CD109: variants seen among roughly 807,000 people sequenced by gnomAD.
CD109 encodes the protein CD109 molecule.
In CD109, 149 loss-of-function variants were observed where a neutral mutation model predicts 165.8. The ratio of observed to expected loss-of-function variants is 0.90; its 90% CI spans 0.79 to 1.03. The LOEUF is 1.03. CD109 is among the 50% of genes least tolerant of loss of function. The pLI is 0.00. For missense variants in CD109, 1,712 were observed against 1,677.8 expected (o/e 1.02, Z -0.36); for synonymous variants, 585 against 592.1 (o/e 0.99, Z 0.18).
intron 23 of CD109, among the ~76,000 whole-genome samples, chr6:73,796,063 C>T (rs1775152340): frequency 6.6e-6 from 1 of 152,144 alleles, no homozygotes; most frequent in African/African-American, 2.4e-5. Context: ...GTATGAAATT[C>T]TTCTATTTCT....
rs1302323237 is a variant in CD109 at position 73,789,262 on chromosome 6, A to G, written c.2701+650A>G. 2.6e-5 allele frequency among the ~76,000 whole-genome samples: 4 copies of G among 152,324 alleles called. No individual in the cohort carries two copies. In the East Asian group the frequency reaches 7.7e-4, roughly 29 times the overall value. On this transcript the variant is annotated intron_variant, in intron 22 of 32. Coordinates refer to ENST00000287097, the MANE Select transcript of CD109 (RefSeq NM_133493.5). Reference sequence around the variant, plus strand: ...CTCACTGACTTCGGTCGCCTCTCCTAGTTACTTTCCATAACATAATAGTAC... The same window carrying G: ...CTCACTGACTTCGGTCGCCTCTCCTGGTTACTTTCCATAACATAATAGTAC...
At chr6:73,786,767 TA>T (rs1158506138) in intron 20 of CD109, among the ~76,000 whole-genome samples, 4 of 152,232 alleles carry the variant, frequency 2.6e-5, no homozygotes, top group Non-Finnish European at 4.4e-5. Context: ...GCTTCAGGAC[TA>T]ATATCTGAGT....
Position 73,730,369 on chromosome 6 carries a change from T to C in CD109, c.302T>C (p.Ile101Thr). The change falls in exon 4 of 33, where the codon ATT becomes ACT. Residue 101 changes from isoleucine to threonine, a missense_variant. Transcript: ENST00000287097. ...CTACCTCTGAACAGTGCAGATGAGA[T>C]TTATGAGCTACGTGTAACCGGACGT... Reference protein sequence around the residue: ...PSLPLNSADEIYELRVTGRTQ... With the variant: ...PSLPLNSADETYELRVTGRTQ... 6.2e-7 allele frequency: 1 copy of C among 1,613,544 alleles called. No homozygotes were observed. Among genetic ancestry groups the C allele is most frequent in the Non-Finnish European group, 8.5e-7 (1 of 1,179,466 alleles).
At chr6:73,685,754 C>T in the CD109 span, among the ~76,000 whole-genome samples, 552 of 152,322 alleles carry the variant, frequency 3.6e-3, 1 homozygote, top group Non-Finnish European at 6.8e-3. Context: ...TATCCCTTTG[C>T]ATCCTCATAG....
chr6:73,731,830 T>C (rs1186256854), intron 4 of CD109, among the ~76,000 whole-genome samples: 1 of 152,232 alleles, frequency 6.6e-6, no homozygotes, highest in Admixed American at 6.5e-5. Context: ...GTGAGATAAT[T>C]CAAGTAAACC....
rs1776211829 is a variant in CD109, at chr6:73,824,440, A to G, written c.*807A>G. ...CAGAGAGCACTGCAATATGTGCTTCATGGGATTTCGATTCGAAGATCCTAG... is the reference window on the plus strand; with the variant it reads ...CAGAGAGCACTGCAATATGTGCTTCGTGGGATTTCGATTCGAAGATCCTAG... On this transcript the variant is annotated 3_prime_UTR_variant, in exon 33 of 33. Transcript: ENST00000287097. The G allele has an allele frequency of 6.6e-6, 1 of 152,220 alleles. No homozygotes were observed. Among genetic ancestry groups the G allele is most frequent in the African/African-American group, 2.4e-5 (1 of 41,432 alleles). 9.4% of individuals were successfully genotyped at this position (152,220 alleles called of 1,614,324 possible).
intron 15 of CD109, among the ~76,000 whole-genome samples, chr6:73,779,275 G>C (rs981275770): frequency 1.6e-4 from 23 of 147,002 alleles, no homozygotes; most frequent in South Asian, 6.3e-4. Context: ...TTGAGACGGA[G>C]TCTTGCTCTG....
At chr6:73,820,421 C>T in intron 31 of CD109, 40 bp from the exon 32 acceptor site, 1 of 1,104,618 alleles carries the variant, frequency 9.1e-7, no homozygotes, top group Non-Finnish European at 1.4e-6. Context: ...CATGAACACA[C>T]AGTGTGCCAA....
chr6:73,737,025 C>T (rs1423594850), intron 5 of CD109, among the ~76,000 whole-genome samples: 1 of 152,074 alleles, frequency 6.6e-6, no homozygotes, highest in Non-Finnish European at 1.5e-5. Context: ...AAATGGAGGG[C>T]ATTAAATGGC....
rs536163101 is a variant in CD109, at chr6:73,739,476, C to G, written c.633+2968C>G. 1.8e-3 allele frequency among the ~76,000 whole-genome samples: 280 copies of G among 152,148 alleles called. 1 individual carries two copies. Among genetic ancestry groups the G allele is most frequent in the African/African-American group, 6.4e-3 (267 of 41,500 alleles). On this transcript the variant is annotated intron_variant, in intron 5 of 32. Transcript: ENST00000287097. ...TGTATTTATTATTTAAATAGCCCAC[C>G]ATTAGAGACTATATTTTTACTTTTC... is the stretch of plus-strand genomic sequence containing the variant.
the CD109 span, among the ~76,000 whole-genome samples, chr6:73,687,196 C>T: frequency 6.6e-6 from 1 of 152,112 alleles, no homozygotes; most frequent in African/African-American, 2.4e-5. Flanking sequence ...TCCCTCATAT[C>T]TACTATTTGG....
In CD109 at chr6:73,785,483, G is replaced by A; in HGVS notation, c.2337+6G>A. 6.9e-7 allele frequency: 1 copy of A among 1,452,850 alleles called. No individual in the cohort carries two copies. Among genetic ancestry groups the A allele is most frequent in the South Asian group, 1.2e-5 (1 of 84,504 alleles). The allele number at this position is 1,452,850 out of a possible 1,614,324, so 90.0% of individuals were successfully genotyped here. A position where few individuals can be genotyped will look rare whatever the true frequency, so the allele number is the denominator to read the frequency against. ...ATTTGAAAGATGCCACTGAGGTAATGTATTCAAGCTTTTGTTGATCATTTA... is the reference window on the plus strand; with the variant it reads ...ATTTGAAAGATGCCACTGAGGTAATATATTCAAGCTTTTGTTGATCATTTA... On this transcript the variant is annotated splice_donor_region_variant and intron_variant, in intron 20 of 32. Coordinates refer to ENST00000287097, the MANE Select transcript of CD109 (RefSeq NM_133493.5).
chr6:73,787,002 A>G (rs183486928), intron 20 of CD109, among the ~76,000 whole-genome samples: 1,826 of 151,024 alleles, frequency 0.012, 25 homozygotes, highest in Non-Finnish European at 0.017. Context: ...AGGACTAGAA[A>G]TGGGGCTGAA....
At chr6:73,754,790 G>A (rs1349561067) in intron 5 of CD109, among the ~76,000 whole-genome samples, 2 of 152,176 alleles carry the variant, frequency 1.3e-5, no homozygotes, top group African/African-American at 4.8e-5. Context: ...AATGGGGAGG[G>A]ATGGAAGTAC....
intron 6 of CD109, 71 bp downstream of exon 6, chr6:73,756,753 TAAGAGA>T: frequency 9.4e-7 from 1 of 1,059,924 alleles, no homozygotes; most frequent in Non-Finnish European, 1.4e-6. Flanking sequence ...GAGAAATTTT[TAAGAGA>T]TGTATTATTT....
At chr6:73,776,452 C>T (rs1396948675) in intron 15 of CD109, among the ~76,000 whole-genome samples, 1 of 151,708 alleles carries the variant, frequency 6.6e-6, no homozygotes, top group Non-Finnish European at 1.5e-5. Context: ...AGGGGTTTCA[C>T]CATATTGGCC....
chr6:73,715,030 G>A (rs570755322), intron 2 of CD109, among the ~76,000 whole-genome samples: 4 of 152,096 alleles, frequency 2.6e-5, no homozygotes, highest in Non-Finnish European at 4.4e-5. Flanking sequence ...AGGCTGAGGC[G>A]GGCAGATCAC....
At chr6:73,704,445 A>G (rs1771192723) in intron 2 of CD109, among the ~76,000 whole-genome samples, 1 of 152,202 alleles carries the variant, frequency 6.6e-6, no homozygotes. Context: ...AGCCGCAGAG[A>G]AACATGACTT....
chr6:73,805,428 C>G (rs1183770247), intron 24 of CD109, among the ~76,000 whole-genome samples: 1 of 152,252 alleles, frequency 6.6e-6, no homozygotes, highest in Admixed American at 6.5e-5. Flanking sequence ...TTTCCCCTAT[C>G]TCAGTAGATG....
Sources: allele counts gnomAD v4.1 joint callset (sites outside exome capture counted in the v4.1 genomes callset), GRCh38; gene constraint gnomAD v4.1.1; transcripts MANE v1.5; gene names NCBI Gene and HGNC (gene_info 2026-07-23, HGNC 2026-07-21).